The following CSRP2 variants were observed in gnomAD, a reference collection of about 807,000 sequenced individuals.
CSRP2 encodes the protein cysteine and glycine rich protein 2, also known as cysteine and glycine-rich protein 2.
In CSRP2, 18 loss-of-function variants were observed where a neutral mutation model predicts 24.6. That is an observed-to-expected ratio of 0.73 (90% CI 0.51 to 1.09). The LOEUF (loss-of-function observed/expected upper bound fraction) is 1.09. Ranked by LOEUF, CSRP2 falls within the 50% of genes least tolerant of loss-of-function variation. The pLI is 0.00. For missense variants in CSRP2, 215 were observed against 239.4 expected (o/e 0.90, Z 0.67); for synonymous variants, 87 against 84.3 (o/e 1.03, Z -0.18).
At chr12:76,867,391 T>C (rs1792959533) in intron 1 of CSRP2, among the ~76,000 whole-genome samples, 1 of 136,412 alleles carries the variant, frequency 7.3e-6, no homozygotes, top group Non-Finnish European at 1.6e-5. Context: ...ATGCCTGCAA[T>C]CCCAGCTACT....
chr12:76,866,397 G>A (rs747470317), intron 1 of CSRP2, 136 bp from the exon 2 acceptor site: 44 of 592,962 alleles, frequency 7.4e-5, no homozygotes, highest in South Asian at 1.1e-4. Flanking sequence ...AAAGGCCTGC[G>A]TTCCTCCAAA....
intron 1 of CSRP2, among the ~76,000 whole-genome samples, chr12:76,871,759 G>C (rs1484890373): frequency 1.6e-5 from 1 of 61,020 alleles, no homozygotes; most frequent in Non-Finnish European, 3.4e-5. Flanking sequence ...GCAAGACTCC[G>C]ACTCAAAAAA....
intron 3 of CSRP2, chr12:76,861,798 T>C (rs7300303): frequency 0.61 from 92,771 of 151,980 alleles, 28,386 homozygotes; most frequent in East Asian, 0.67. Context: ...CATCTATAAA[T>C]GGACAAAGTA....
chr12:76,869,578 A>ACACACACACACACC (rs1420575005), intron 1 of CSRP2, among the ~76,000 whole-genome samples: 8 of 138,990 alleles, frequency 5.8e-5, no homozygotes, highest in East Asian at 4.4e-4. Flanking sequence ...ACACACACAC[A>ACACACACACACACC]CCCCTGACTG....
At position 76,878,967 on chromosome 12, in the gene CSRP2, G is replaced by A. The variant is rs1953879048; in HGVS notation, c.-31C>T. On this transcript the variant is annotated 5_prime_UTR_variant, in exon 1 of 6. Coordinates refer to ENST00000311083, the MANE Select transcript of CSRP2 (RefSeq NM_001321.3). ...GTCGGAGGCGGGAGCACGTACCGCA[G>A]GCGGAGCTAGCGAGGCTGGGCTGGA... The A allele has an allele frequency of 6.6e-6, 1 of 152,302 alleles. No homozygotes were observed. The allele number at this position is 152,302 out of a possible 1,614,324, so 9.4% of individuals were successfully genotyped here. A position where few individuals can be genotyped will look rare whatever the true frequency, so the allele number is the denominator to read the frequency against.
rs1001450277 is a variant in CSRP2 at position 76,877,052 on chromosome 12, T to G, written c.-2+1886A>C. 2.1e-4 allele frequency among the ~76,000 whole-genome samples: 32 copies of G among 152,252 alleles called. 1 individual carries two copies. The highest frequency in any genetic ancestry group is 5.9e-5 in the Non-Finnish European group (4 of 68,042). On this transcript the variant is annotated intron_variant, in intron 1 of 5. Transcript: ENST00000311083. ...AGGTGTGAATTTGGTCCTGCCTGGC[T>G]TCGTTCCTCCCCCTTTCAGCCATGC...
chr12:76,878,570 G>C (rs1953874972), intron 1 of CSRP2, among the ~76,000 whole-genome samples: 1 of 152,210 alleles, frequency 6.6e-6, no homozygotes, highest in African/African-American at 2.4e-5. Context: ...GGGACCGACG[G>C]CTGCTAAGAG....
chr12:76,878,068 GC>G (rs1953869985), intron 1 of CSRP2: 1 of 145,398 alleles, frequency 6.9e-6, no homozygotes, highest in Admixed American at 7.3e-5. Flanking sequence ...ATTTTGGGTA[GC>G]CATTTAAGTA....
chr12:76,859,469 TAA>T, intron 5 of CSRP2, 76 bp downstream of exon 5: 1 of 912,844 alleles, frequency 1.1e-6, no homozygotes, highest in Non-Finnish European at 1.7e-6. Context: ...TTTTTTTTTT[TAA>T]TGCCAGTGAC....
intron 2 of CSRP2, among the ~76,000 whole-genome samples, chr12:76,865,219 G>C (rs1410271072): frequency 6.6e-6 from 1 of 152,208 alleles, no homozygotes; most frequent in East Asian, 1.9e-4. Flanking sequence ...ATGAAACTGA[G>C]AGCAATTTCT....
intron 5 of CSRP2, 74 bp from the exon 6 acceptor site, chr12:76,859,102 A>G (rs1953648719): frequency 8.4e-7 from 1 of 1,195,228 alleles, no homozygotes; most frequent in Non-Finnish European, 1.2e-6. Flanking sequence ...AGACCCACTC[A>G]ACAAACCCCC....
At chr12:76,874,272 A>G (rs1192969199) in intron 1 of CSRP2, among the ~76,000 whole-genome samples, 1 of 152,250 alleles carries the variant, frequency 6.6e-6, no homozygotes, top group Non-Finnish European at 1.5e-5. Flanking sequence ...TGCCATGGAA[A>G]TACCGCAGTA....
rs548750115 is a variant in CSRP2, at chr12:76,860,673, G to T, written c.282-260C>A. 9.7e-6 allele frequency: 3 copies of T among 309,122 alleles called. No homozygotes were observed. In the East Asian group the frequency reaches 1.6e-4, roughly 17 times the overall value. The allele number at this position is 309,122 out of a possible 1,614,324, so 19.1% of individuals were successfully genotyped here. A position where few individuals can be genotyped will look rare whatever the true frequency, so the allele number is the denominator to read the frequency against. On this transcript the variant is annotated intron_variant, in intron 3 of 5. Transcript: ENST00000311083. The stretch of plus-strand genomic sequence containing the variant: ...CAAACGTAAAGATCTGTCCCTCTGA[G>T]TCTAAACAGAATTCATTTACTCCTC...
chr12:76,867,517 A>C (rs1254631546), intron 1 of CSRP2, among the ~76,000 whole-genome samples: 1 of 152,052 alleles, frequency 6.6e-6, no homozygotes, highest in Non-Finnish European at 1.5e-5. Context: ...GAAAAGAAAA[A>C]AGCCTGGTTC....
chr12:76,874,826 C>T (rs755153589), intron 1 of CSRP2, among the ~76,000 whole-genome samples: 3 of 152,098 alleles, frequency 2.0e-5, no homozygotes, highest in African/African-American at 4.8e-5. Flanking sequence ...GGTGCCCACT[C>T]GTTACGAGAA....
chr12:76,862,878 C>T (rs557254931), intron 3 of CSRP2: 14 of 1,531,170 alleles, frequency 9.1e-6, no homozygotes, highest in East Asian at 2.4e-5. Flanking sequence ...TCATGACATC[C>T]GGTCTCCAAG....
At chr12:76,870,345 T>A (rs1188353550) in intron 1 of CSRP2, among the ~76,000 whole-genome samples, 1 of 152,240 alleles carries the variant, frequency 6.6e-6, no homozygotes, top group Non-Finnish European at 1.5e-5. Flanking sequence ...ACAGCCTGGA[T>A]TTTTAAGAAA....
At chr12:76,875,763 T>A (rs1953846024) in intron 1 of CSRP2, among the ~76,000 whole-genome samples, 2 of 152,174 alleles carry the variant, frequency 1.3e-5, no homozygotes, top group African/African-American at 4.8e-5. Context: ...AGGTAATAAT[T>A]ACAAATACTT....
intron 2 of CSRP2, 112 bp downstream of exon 2, chr12:76,866,037 C>T (rs937872761): frequency 1.6e-5 from 12 of 755,846 alleles, no homozygotes; most frequent in East Asian, 1.1e-4. Context: ...AAAAACCATT[C>T]GTGCTTTCAA....
Sources: allele counts gnomAD v4.1 joint callset (sites outside exome capture counted in the v4.1 genomes callset), GRCh38; gene constraint gnomAD v4.1.1; transcripts MANE v1.5; gene names NCBI Gene and HGNC (gene_info 2026-07-23, HGNC 2026-07-21).